CCDC138: variants seen among roughly 807,000 people sequenced by gnomAD.
The protein encoded by CCDC138 is coiled-coil domain containing 138.
CCDC138 carries 66 observed loss-of-function variants against 82.3 expected under a neutral mutation model. The ratio of observed to expected loss-of-function variants is 0.80; its 90% CI spans 0.66 to 0.98. The LOEUF is 0.98. CCDC138 is among the 50% of genes least tolerant of loss of function. The pLI, the probability that CCDC138 is intolerant of heterozygous loss-of-function variation, is 0.00. For missense variants in CCDC138, 816 were observed against 758.9 expected (o/e 1.08, Z -0.88); for synonymous variants, 297 against 265.4 (o/e 1.12, Z -1.16).
At chr2:108,838,217 G>A (rs1688889631) in intron 10 of CCDC138, among the ~76,000 whole-genome samples, 1 of 152,142 alleles carries the variant, frequency 6.6e-6, no homozygotes. Context: ...CATACTCTAG[G>A]CCGAGCACTT....
intron 5 of CCDC138, 149 bp from the exon 6 acceptor site, chr2:108,798,279 A>G (rs749116371): frequency 4.4e-6 from 3 of 681,150 alleles, no homozygotes; most frequent in Non-Finnish European, 7.5e-6. Flanking sequence ...TACTTGCTAT[A>G]CTAGTCTAGC....
intron 10 of CCDC138, among the ~76,000 whole-genome samples, chr2:108,816,319 C>T (rs778574527): frequency 6.6e-6 from 1 of 151,994 alleles, no homozygotes; most frequent in African/African-American, 2.4e-5. Context: ...GGCATTTTGG[C>T]ACGTGCCTGT....
At position 108,788,848 on chromosome 2, in the gene CCDC138, A is replaced by G. The variant is rs1679416695; in HGVS notation, c.152-4A>G. 1.9e-6 allele frequency: 3 copies of G among 1,613,864 alleles called. No homozygotes were observed. The South Asian group carries it at 3.3e-5, about 18-fold the overall frequency. On this transcript the variant is annotated splice_region_variant and splice_polypyrimidine_tract_variant and intron_variant, in intron 2 of 14. Coordinates refer to ENST00000295124, the MANE Select transcript of CCDC138 (RefSeq NM_144978.3). The stretch of plus-strand genomic sequence containing the variant: ...ATCTTTCATGGTTTCTTTGTCGTTG[A>G]CAGGTGATTTGGATATCTACTCTGG...
At chr2:108,822,815 T>C (rs1685936340) in intron 10 of CCDC138, among the ~76,000 whole-genome samples, 1 of 152,124 alleles carries the variant, frequency 6.6e-6, no homozygotes, top group Non-Finnish European at 1.5e-5. Flanking sequence ...CTGTAGATGC[T>C]TACATTAAAA....
At chr2:108,799,753 C>T (rs1346461862) in intron 6 of CCDC138, among the ~76,000 whole-genome samples, 1 of 152,118 alleles carries the variant, frequency 6.6e-6, no homozygotes, top group Non-Finnish European at 1.5e-5. Flanking sequence ...CTTGGATCTC[C>T]AGTGACTCCT....
chr2:108,794,399 T>A (rs1680495199), intron 4 of CCDC138, 141 bp from the exon 5 acceptor site: 2 of 736,422 alleles, frequency 2.7e-6, no homozygotes, highest in Non-Finnish European at 2.1e-6. Context: ...TTACCATATT[T>A]GCTATATTTT....
At chr2:108,804,806 T>C in intron 6 of CCDC138, 83 bp from the exon 7 acceptor site, 1 of 1,272,030 alleles carries the variant, frequency 7.9e-7, no homozygotes, top group East Asian at 2.8e-5. Flanking sequence ...GAGTTCTTAC[T>C]TGTAATTAAT....
At chr2:108,800,608 C>CTTTTTTTTTT (rs67529329) in intron 6 of CCDC138, among the ~76,000 whole-genome samples, 6 of 33,492 alleles carry the variant, frequency 1.8e-4, no homozygotes, top group Non-Finnish European at 2.4e-4. Context: ...CTCAGTTTAG[C>CTTTTTTTTTT]TTTTTTTTTT....
Position 108,788,059 on chromosome 2 carries a change from A to C in CCDC138, c.121A>C (p.Lys41Gln). The C allele has an allele frequency of 6.3e-7, 1 of 1,596,274 alleles. No homozygotes were observed. Among genetic ancestry groups the C allele is most frequent in the Non-Finnish European group, 8.5e-7 (1 of 1,172,264 alleles). The change falls in exon 2 of 15, where the codon AAG becomes CAG. Residue 41 changes from lysine (K) to glutamine (Q), a missense_variant. Transcript: ENST00000295124. ...EYDFSNFYQS[K>Q]YKRRTLTSPG... ...TGATTTTTCAAATTTTTATCAGTCT[A>C]AGTATAAGAGAAGAACTCTAACCTC...
At chr2:108,809,933 G>A (rs1476893498) in intron 7 of CCDC138, among the ~76,000 whole-genome samples, 1 of 152,134 alleles carries the variant, frequency 6.6e-6, no homozygotes, top group Non-Finnish European at 1.5e-5. Context: ...AGCCTCCTGA[G>A]TAGCTGGGAT....
At chr2:108,877,380 C>T (rs1696102862), downstream of CCDC138, among the ~76,000 whole-genome samples, 1 of 151,992 alleles carries the variant, frequency 6.6e-6, no homozygotes, top group African/African-American at 2.4e-5. Context: ...GCAGGAGAAC[C>T]ACTTCAACCT....
chr2:108,845,737 A>AT (rs748204065), intron 11 of CCDC138, among the ~76,000 whole-genome samples: 1 of 151,702 alleles, frequency 6.6e-6, no homozygotes, highest in South Asian at 2.1e-4. Flanking sequence ...ACGCCTGGCT[A>AT]TTTTTTTGTA....
chr2:108,837,922 C>A lies in CCDC138; in HGVS notation c.1207-1263C>A, dbSNP rs115565082. Among the ~76,000 whole-genome samples the A allele has an allele frequency of 3.1e-4, 47 of 149,926 alleles. 1 individual carries two copies. In the East Asian group the frequency reaches 9.2e-3, roughly 29 times the overall value. Reference sequence around the variant, plus strand: ...ACTTATGAGGTGTCTATAATTTTTTCGATTTTTTTTTTTTTTAAAGACACC... The same window carrying A: ...ACTTATGAGGTGTCTATAATTTTTTAGATTTTTTTTTTTTTTAAAGACACC... On this transcript the variant is annotated intron_variant, in intron 10 of 14. Coordinates refer to ENST00000295124, the MANE Select transcript of CCDC138 (RefSeq NM_144978.3).
rs1679534833 is a variant in CCDC138, at chr2:108,789,441, A to T, written c.266+475A>T. Among the ~76,000 whole-genome samples, 6 of 152,174 alleles carry T rather than the reference A, an allele frequency of 3.9e-5. 1 individual carries two copies. In the South Asian group the frequency reaches 1.2e-3, roughly 32 times the overall value. ...AATCCCGTTTCTACTAAAAAATAGAAAAATTAGCCAGGCTTGGTGGTGTGC... is the reference window on the plus strand; with the variant it reads ...AATCCCGTTTCTACTAAAAAATAGATAAATTAGCCAGGCTTGGTGGTGTGC... On this transcript the variant is annotated intron_variant, in intron 3 of 14. Coordinates refer to ENST00000295124, the MANE Select transcript of CCDC138 (RefSeq NM_144978.3).
intron 10 of CCDC138, among the ~76,000 whole-genome samples, chr2:108,826,226 A>G (rs867090028): frequency 2.0e-5 from 3 of 152,142 alleles, no homozygotes; most frequent in African/African-American, 7.2e-5. Flanking sequence ...GACTTTCTGG[A>G]TAGTATCCTT....
At chr2:108,876,947 G>T (rs1696060543), downstream of CCDC138, among the ~76,000 whole-genome samples, 1 of 152,056 alleles carries the variant, frequency 6.6e-6, no homozygotes, top group South Asian at 2.1e-4. Context: ...AAGTAAAGGT[G>T]GTAAAACTTG....
chr2:108,829,163 A>G (rs1261505252), intron 10 of CCDC138, among the ~76,000 whole-genome samples: 4 of 152,184 alleles, frequency 2.6e-5, no homozygotes, highest in Admixed American at 2.6e-4. Flanking sequence ...AAAATTAAAA[A>G]TGTTTGTGCA....
intron 13 of CCDC138, among the ~76,000 whole-genome samples, chr2:108,860,953 T>TTTTTTTTG: frequency 6.9e-6 from 1 of 144,168 alleles, no homozygotes. Context: ...TTTTTTTTTT[T>TTTTTTTTG]TTTTTGGTTG....
intron 6 of CCDC138, among the ~76,000 whole-genome samples, chr2:108,802,957 G>T (rs1342045269): frequency 2.0e-5 from 3 of 152,152 alleles, no homozygotes; most frequent in African/African-American, 7.2e-5. Context: ...TATTGAACCA[G>T]CCTTGCATCC....
Sources: allele counts gnomAD v4.1 joint callset (sites outside exome capture counted in the v4.1 genomes callset), GRCh38; gene constraint gnomAD v4.1.1; transcripts MANE v1.5; gene names NCBI Gene and HGNC (gene_info 2026-07-23, HGNC 2026-07-21).